Variants in EIF6 observed in about 807,000 individuals in gnomAD.
EIF6 encodes the protein eukaryotic translation initiation factor 6, also known as B4 integrin interactor.
EIF6 carries 10 observed loss-of-function variants against 25.5 expected under a neutral mutation model. That is an observed-to-expected ratio of 0.39 (90% confidence interval 0.24 to 0.66). The LOEUF (loss-of-function observed/expected upper bound fraction) is 0.66. Ranked by LOEUF, EIF6 falls within the 30% of genes least tolerant of loss-of-function variation. EIF6 has a pLI of 0.45. For missense variants in EIF6, 246 were observed against 315.4 expected, an observed-to-expected ratio of 0.78 and a Z score of 1.67; for synonymous variants, 122 against 122.6, an observed-to-expected ratio of 1.00 and a Z score of 0.03.
At chr20:35,283,956 G>A (rs528522556) in intron 3 of EIF6, among the ~76,000 whole-genome samples, 34 of 152,348 alleles carry the variant, frequency 2.2e-4, no homozygotes, top group African/African-American at 8.2e-4. Flanking sequence ...AATGAGAACA[G>A]GAGTGAAAGC....
chr20:35,279,048 C>G lies in EIF6; in HGVS notation c.*149G>C. ...TAATGATAGATCCAGGCGATAAGCA[C>G]AGGTGGAAAAGGGTTGGGTGCCCAG... is the stretch of plus-strand genomic sequence containing the variant. On this transcript the variant is annotated 3_prime_UTR_variant, in exon 7 of 7. Transcript: ENST00000374450. 1.0e-6 allele frequency: 1 copy of G among 963,816 alleles called. No individual in the cohort carries two copies. The highest frequency in any genetic ancestry group is 1.6e-6 in the Non-Finnish European group (1 of 615,146). The allele number at this position is 963,816 out of a possible 1,614,324, so 59.7% of individuals were successfully genotyped here. A position where few individuals can be genotyped will look rare whatever the true frequency, so the allele number is the denominator to read the frequency against.
At chr20:35,279,371 T>TAGCA (rs1279644435) in intron 6 of EIF6, among the ~76,000 whole-genome samples, 165 bp from the exon 7 acceptor site, 1 of 152,204 alleles carries the variant, frequency 6.6e-6, no homozygotes, top group Non-Finnish European at 1.5e-5. Context: ...AGATGAGGAT[T>TAGCA]AGCAGATGCT....
intron 6 of EIF6, 72 bp from the exon 7 acceptor site, chr20:35,279,278 G>T: frequency 6.4e-7 from 1 of 1,573,056 alleles, no homozygotes; most frequent in Non-Finnish European, 8.7e-7. Context: ...TGAGGTGCCT[G>T]CCTCAGCCCT....
chr20:35,281,535 T>C (rs2060775925), intron 3 of EIF6, among the ~76,000 whole-genome samples: 1 of 152,074 alleles, frequency 6.6e-6, no homozygotes. Flanking sequence ...AACTTCTGCA[T>C]CCTGGGTTCA....
chr20:35,282,058 G>A (rs1307996621), intron 3 of EIF6, among the ~76,000 whole-genome samples: 2 of 146,930 alleles, frequency 1.4e-5, no homozygotes, highest in Non-Finnish European at 3.0e-5. Flanking sequence ...GCACAATCTC[G>A]GCTCACTGCA....
chr20:35,284,749 C>A lies in EIF6; in HGVS notation c.-29G>T. 1 of 530,636 alleles carries A rather than the reference C, an allele frequency of 1.9e-6. No individual in the cohort carries two copies. Among genetic ancestry groups the A allele is most frequent in the South Asian group, 2.6e-5 (1 of 37,774 alleles). The allele number at this position is 530,636 out of a possible 1,614,324, so 32.9% of individuals were successfully genotyped here. A position where few individuals can be genotyped will look rare whatever the true frequency, so the allele number is the denominator to read the frequency against. On this transcript the variant is annotated 5_prime_UTR_variant, in exon 1 of 7. Coordinates refer to ENST00000374450, the MANE Select transcript of EIF6 (RefSeq NM_002212.4). ...ACCAAGTAACCAGTAACAAGCTCCG[C>A]ACGCGGCGACTGTACCTTGGACTCC...
rs549513157 is a variant in EIF6 at position 35,280,641 on chromosome 20, T to C, written c.369+13A>G. Reference sequence around the variant, plus strand: ...TGGCCCTGTGACTCTTGGGTCAAGTTGGGCTGCCTCACCCTGTCCAAGTCT... The same window carrying C: ...TGGCCCTGTGACTCTTGGGTCAAGTCGGGCTGCCTCACCCTGTCCAAGTCT... On this transcript the variant is annotated intron_variant, in intron 4 of 6. Transcript: ENST00000374450. 72 of 1,611,822 alleles carry C rather than the reference T, an allele frequency of 4.5e-5. 2 individuals are homozygous for C. The Middle Eastern group carries it at 1.0e-3, about 22-fold the overall frequency.
At chr20:35,281,365 G>A (rs529747656) in intron 3 of EIF6, among the ~76,000 whole-genome samples, 118 of 148,508 alleles carry the variant, frequency 7.9e-4, no homozygotes, top group African/African-American at 2.8e-3. Flanking sequence ...CAACCTGGGT[G>A]ACAGAGCGAA....
At chr20:35,284,665 C>A (rs1428490913) in intron 1 of EIF6, 61 bp downstream of exon 1, 1 of 702,302 alleles carries the variant, frequency 1.4e-6, no homozygotes, top group Non-Finnish European at 2.3e-6. Flanking sequence ...TCCTCTGGCC[C>A]CCACCCCTCC....
rs2060746781 is a variant in EIF6, at chr20:35,279,156, A to G, written c.*41T>C. ...GCGGAATGTGGAGAAGGTTGGCCAC[A>G]GTCCAGAGCCAGGAGCCCATGGAAC... On this transcript the variant is annotated 3_prime_UTR_variant, in exon 7 of 7. Transcript: ENST00000374450. 1.9e-6 allele frequency: 3 copies of G among 1,613,660 alleles called. No individual in the cohort carries two copies. The African/African-American group carries it at 4.0e-5, about 22-fold the overall frequency.
chr20:35,284,582 C>T, intron 1 of EIF6, 90 bp from the exon 2 acceptor site: 1 of 1,440,600 alleles, frequency 6.9e-7, no homozygotes, highest in Non-Finnish European at 9.4e-7. Context: ...GCGACCCCGC[C>T]CCTCTCGGCC....
Position 35,279,347 on chromosome 20 carries a change from C to G in EIF6, c.729-141G>C, listed in dbSNP as rs1357409977. 6.8e-6 allele frequency: 9 copies of G among 1,316,892 alleles called. No individual in the cohort carries two copies. The South Asian group carries it at 8.7e-5, about 13-fold the overall frequency. 81.6% of individuals were successfully genotyped at this position (1,316,892 alleles called of 1,614,324 possible). On this transcript the variant is annotated intron_variant, in intron 6 of 6. Transcript: ENST00000374450. ...CAGCTACTGCTCTAGTATCCTAGCC[C>G]TGAAAAACCACAAAGATGAGGATTA...
At chr20:35,282,232 G>A (rs192237626) in intron 3 of EIF6, among the ~76,000 whole-genome samples, 2 of 152,230 alleles carry the variant, frequency 1.3e-5, no homozygotes, top group Non-Finnish European at 2.9e-5. Context: ...CTCGTGATCC[G>A]CCCGCCTCGG....
At chr20:35,279,237 G>T in intron 6 of EIF6, 31 bp from the exon 7 acceptor site, 3 of 1,611,868 alleles carry the variant, frequency 1.9e-6, no homozygotes, top group Non-Finnish European at 2.5e-6. Flanking sequence ...ACGGTCAGTA[G>T]CTGTTTCACA....
At position 35,279,605 on chromosome 20, in the gene EIF6, C is replaced by G. The variant is rs756895300; in HGVS notation, c.689G>C (p.Ser230Thr). Reference protein sequence around the residue: ...SVFKLNEAQPSTIATSMRDSL... With the variant: ...SVFKLNEAQPTTIATSMRDSL... ...ATCCCGCATGCTGGTGGCAATGGTGCTAGGCTGGGCTTCATTCAGCTTGAA... is the reference window on the plus strand; with the variant it reads ...ATCCCGCATGCTGGTGGCAATGGTGGTAGGCTGGGCTTCATTCAGCTTGAA... The change falls in exon 6 of 7, where the codon AGC (serine) becomes ACC (threonine). Residue 230 changes from serine to threonine, a missense_variant. Physicochemically the swap from Ser to Thr is moderately conservative, Grantham distance 58. Coordinates refer to ENST00000374450, the MANE Select transcript of EIF6 (RefSeq NM_002212.4). 6.2e-7 allele frequency: 1 copy of G among 1,614,050 alleles called. No homozygotes were observed. Among genetic ancestry groups the G allele is most frequent in the African/African-American group, 1.3e-5 (1 of 74,916 alleles).
chr20:35,280,875 A>G lies in EIF6; in HGVS notation c.194-46T>C, dbSNP rs771474477. 63 of 1,600,502 alleles carry G rather than the reference A, an allele frequency of 3.9e-5. 2 individuals are homozygous for G. In the South Asian group the frequency reaches 6.7e-4, roughly 17 times the overall value. ...GGGTGAATACACAAGATGCCTGCTG[A>G]GCCCTAGGGGCTGAGGATACCACTC... On this transcript the variant is annotated intron_variant, in intron 3 of 6. Transcript: ENST00000374450.
In EIF6 at chr20:35,279,148, T is replaced by C. The variant is rs113883267; in HGVS notation, c.*49A>G. 3.2e-4 allele frequency: 517 copies of C among 1,613,228 alleles called. 1 individual carries two copies. The highest frequency in any genetic ancestry group is 4.4e-5 in the Non-Finnish European group (52 of 1,179,516). On this transcript the variant is annotated 3_prime_UTR_variant, in exon 7 of 7. Transcript: ENST00000374450. ...CAGATTGGGCGGAATGTGGAGAAGG[T>C]TGGCCACAGTCCAGAGCCAGGAGCC...
intron 3 of EIF6, among the ~76,000 whole-genome samples, chr20:35,283,058 G>A (rs529568832): frequency 1.3e-5 from 2 of 152,032 alleles, no homozygotes; most frequent in Non-Finnish European, 2.9e-5. Flanking sequence ...TTGGGAGGCC[G>A]AGGTGGGAGG....
rs1568629687 is a variant in EIF6 at position 35,280,796 on chromosome 20, GTAT to G, written c.224_226del (p.Asn75del). On this transcript the variant is annotated inframe_deletion, in exon 4 of 7. Transcript: ENST00000374450. ...AATGTGTTGCAGCTCCTGGTCGGTG[GTAT>G]TGTTGGGTACCAGGAGACCGTGCCT... 1 of 1,614,136 alleles carries G rather than the reference GTAT, an allele frequency of 6.2e-7. No homozygotes were observed. Among genetic ancestry groups the G allele is most frequent in the Non-Finnish European group, 8.5e-7 (1 of 1,180,016 alleles).
Sources: allele counts gnomAD v4.1 joint callset (sites outside exome capture counted in the v4.1 genomes callset), GRCh38; gene constraint gnomAD v4.1.1; transcripts MANE v1.5; gene names NCBI Gene and HGNC (gene_info 2026-07-23, HGNC 2026-07-21).